Variants in HEATR1 observed in about 807,000 individuals in gnomAD.
HEATR1 encodes the protein HEAT repeat containing 1.
Under a neutral mutation model 248.2 loss-of-function variants are expected in HEATR1, and 77 were observed. The observed-to-expected ratio is 0.31, with a 90% CI of 0.26 to 0.37. The LOEUF (loss-of-function observed/expected upper bound fraction) is 0.37, where lower values mean the gene tolerates loss of function less well. Ranked by LOEUF, HEATR1 falls within the 10% of genes least tolerant of loss-of-function variation. The pLI, the probability that HEATR1 is intolerant of heterozygous loss-of-function variation, is 1.00. For synonymous variants in HEATR1, 897 were observed against 923.1 expected, an observed-to-expected ratio of 0.97 and a Z score of 0.51; for missense variants, 2,420 against 2,504.9, an observed-to-expected ratio of 0.97 and a Z score of 0.72.
chr1:236,598,473 T>C (rs1664232694), intron 4 of HEATR1, among the ~76,000 whole-genome samples: 2 of 152,114 alleles, frequency 1.3e-5, no homozygotes, highest in African/African-American at 4.8e-5. Context: ...TGAACTTTAG[T>C]AGGTGAGTGG....
intron 20 of HEATR1, among the ~76,000 whole-genome samples, chr1:236,580,749 T>C (rs1663705473): frequency 2.0e-5 from 3 of 151,814 alleles, no homozygotes; most frequent in African/African-American, 7.3e-5. Context: ...ACTCTTGGCC[T>C]CAAGTGATCC....
rs1473120175 is a variant in HEATR1 at position 236,577,522 on chromosome 1, CTT to C, written c.2756-575_2756-574del. Among the ~76,000 whole-genome samples, 4 of 138,278 alleles carry C rather than the reference CTT, an allele frequency of 2.9e-5. No individual in the cohort carries two copies. The Admixed American group carries it at 3.0e-4, about 10-fold the overall frequency. 90.7% of individuals were successfully genotyped at this position (138,278 alleles called of 152,430 possible). ...TTTTTTTTTCAGATGGAGTTTTCCT[CTT>C]GTTGCCCAGGCTGGAGTGCAATGGC... On this transcript the variant is annotated intron_variant, in intron 20 of 44. Transcript: ENST00000366582.
intron 43 of HEATR1, 85 bp downstream of exon 43, chr1:236,553,496 G>T: frequency 1.5e-6 from 2 of 1,292,552 alleles, no homozygotes; most frequent in Non-Finnish European, 2.1e-6. Context: ...GTTTACTAGG[G>T]GGCCTACATC....
chr1:236,577,108 G>C (rs1386260715), intron 20 of HEATR1, among the ~76,000 whole-genome samples, 159 bp from the exon 21 acceptor site: 2 of 151,112 alleles, frequency 1.3e-5, no homozygotes, highest in African/African-American at 2.4e-5. Flanking sequence ...AGAAAGGTTA[G>C]GCATATGTTA....
intron 11 of HEATR1, among the ~76,000 whole-genome samples, chr1:236,591,711 C>T (rs1294012435): frequency 1.3e-5 from 2 of 150,032 alleles, no homozygotes; most frequent in Non-Finnish European, 3.0e-5. Flanking sequence ...ATGAGGCCGT[C>T]CTCTGATGAT....
At chr1:236,593,583 A>AG (rs1664098411) in intron 9 of HEATR1, among the ~76,000 whole-genome samples, 3 of 75,488 alleles carry the variant, frequency 4.0e-5, no homozygotes, top group African/African-American at 1.1e-4. Flanking sequence ...GCCCATTAAG[A>AG]GAAAAAAAAA....
At chr1:236,577,909 C>T (rs1663607357) in intron 20 of HEATR1, among the ~76,000 whole-genome samples, 1 of 152,196 alleles carries the variant, frequency 6.6e-6, no homozygotes, top group Non-Finnish European at 1.5e-5. Flanking sequence ...GCAACAAACA[C>T]CGCTGCACAT....
chr1:236,563,107 T>C (rs1276378258), intron 32 of HEATR1, among the ~76,000 whole-genome samples: 1 of 152,182 alleles, frequency 6.6e-6, no homozygotes, highest in East Asian at 1.9e-4. Flanking sequence ...TCATTTCTTT[T>C]CCTGAATAGA....
chr1:236,598,545 A>G (rs1664234891), intron 4 of HEATR1, among the ~76,000 whole-genome samples: 1 of 152,192 alleles, frequency 6.6e-6, no homozygotes, highest in African/African-American at 2.4e-5. Context: ...GATTAGAGGA[A>G]GAATAATTTT....
At position 236,556,088 on chromosome 1, in the gene HEATR1, A is replaced by G. The variant is rs920813413; in HGVS notation, c.5514+12T>C. On this transcript the variant is annotated intron_variant, in intron 38 of 44. Transcript: ENST00000366582. ...CCCTTCTCCAAAGTCTTAATACCCA[A>G]TAAGATCTAACCTTCCAGTTCTTCT... 64 of 1,614,010 alleles carry G rather than the reference A, an allele frequency of 4.0e-5. No homozygotes were observed. Among genetic ancestry groups the G allele is most frequent in the Non-Finnish European group, 5.2e-5 (61 of 1,179,980 alleles).
intron 42 of HEATR1, 42 bp from the exon 43 acceptor site, chr1:236,553,781 T>A (rs1270602137): frequency 6.4e-7 from 1 of 1,560,514 alleles, no homozygotes; most frequent in Non-Finnish European, 8.7e-7. Context: ...CAAGTCTCAT[T>A]TCTTTCTTCT....
Position 236,599,461 on chromosome 1 carries a change from A to G in HEATR1, c.501+22T>C, listed in dbSNP as rs1462909933. 6 of 1,604,174 alleles carry G rather than the reference A, an allele frequency of 3.7e-6. No homozygotes were observed. The East Asian group carries it at 1.1e-4, about 30-fold the overall frequency. On this transcript the variant is annotated intron_variant, in intron 4 of 44. Transcript: ENST00000366582. ...ATCAAGATCTGTAATGATTACAGAC[A>G]TATGTCATTCAGCAATTATACCTTA...
In HEATR1 at chr1:236,555,524, A is replaced by C. The variant is rs766476086; in HGVS notation, c.5754+27T>G. On this transcript the variant is annotated intron_variant, in intron 40 of 44. Transcript: ENST00000366582. Reference sequence around the variant, plus strand: ...TCTTGTCACTTAAATCTGAGCACAAAAGAGAGGAAGAGGAAGAAAGCGTCA... The same window carrying C: ...TCTTGTCACTTAAATCTGAGCACAACAGAGAGGAAGAGGAAGAAAGCGTCA... 2.4e-5 allele frequency: 39 copies of C among 1,613,882 alleles called. No individual in the cohort carries two copies. In the Admixed American group the frequency reaches 3.8e-4, roughly 16 times the overall value.
At position 236,550,035 on chromosome 1, in the gene HEATR1, G is replaced by A. The variant is rs913759504; in HGVS notation, c.*867C>T. Reference sequence around the variant, plus strand: ...ATGTTCTTAGATGCCTTTAAAAAGGGGGCAGATCTAATTTTATTTGAACCC... The same window carrying A: ...ATGTTCTTAGATGCCTTTAAAAAGGAGGCAGATCTAATTTTATTTGAACCC... On this transcript the variant is annotated 3_prime_UTR_variant, in exon 45 of 45. Coordinates refer to ENST00000366582, the MANE Select transcript of HEATR1 (RefSeq NM_018072.6). 18 of 152,068 alleles carry A rather than the reference G, an allele frequency of 1.2e-4. No homozygotes were observed. 9.4% of individuals were successfully genotyped at this position (152,068 alleles called of 1,614,324 possible).
In HEATR1 at chr1:236,595,526, A is replaced by G. The variant is rs374968967; in HGVS notation, c.1090+14T>C. 310 of 1,591,398 alleles carry G rather than the reference A, an allele frequency of 1.9e-4. 1 individual carries two copies. The highest frequency in any genetic ancestry group is 4.6e-4 in the South Asian group (40 of 86,330). ...CTTAGAAAATTTCTGGACAAAAAAT[A>G]TAAAACCACACACCTGTAACATGAT... On this transcript the variant is annotated intron_variant, in intron 8 of 44. Transcript: ENST00000366582.
chr1:236,568,835 C>A (rs1663340665), intron 29 of HEATR1, among the ~76,000 whole-genome samples, 161 bp downstream of exon 29: 1 of 132,260 alleles, frequency 7.6e-6, no homozygotes, highest in African/African-American at 2.8e-5. Context: ...AACTTAAGGG[C>A]AATGTACTTC....
At chr1:236,585,760 G>A (rs1663868127) in intron 16 of HEATR1, 60 bp downstream of exon 16, 2 of 1,535,664 alleles carry the variant, frequency 1.3e-6, no homozygotes, top group South Asian at 1.3e-5. Context: ...AGCAAAAGCT[G>A]AGAATTTAAT....
At chr1:236,553,478 C>T in intron 43 of HEATR1, 103 bp downstream of exon 43, 1 of 1,147,324 alleles carries the variant, frequency 8.7e-7, no homozygotes. Context: ...CAATGTTCTT[C>T]CCTGCCAGTT....
At chr1:236,551,032 G>T in intron 44 of HEATR1, 42 bp from the exon 45 acceptor site, 1 of 1,456,766 alleles carries the variant, frequency 6.9e-7, no homozygotes, top group Non-Finnish European at 9.3e-7. Flanking sequence ...ATCTGAGTCA[G>T]TCCGCCTGCC....
Sources: gnomAD v4.1 joint callset for allele counts (sites outside exome capture counted in the v4.1 genomes callset) on GRCh38, gnomAD v4.1.1 for gene constraint, MANE v1.5 for transcripts, NCBI Gene and HGNC (gene_info 2026-07-23, HGNC 2026-07-21) for gene names.